PIKFYVE: variants seen among roughly 807,000 people sequenced by gnomAD.
The protein encoded by PIKFYVE is 1-phosphatidylinositol 3-phosphate 5-kinase.
In PIKFYVE, 122 loss-of-function variants were observed where a neutral mutation model predicts 257.9. The observed-to-expected ratio is 0.47, with a 90% CI of 0.41 to 0.55. PIKFYVE has a LOEUF of 0.55. Among genes scored for constraint, PIKFYVE ranks in the 20% least tolerant of loss-of-function variants. The probability of loss-of-function intolerance (pLI) is 0.00; values close to 1 mark genes in which losing one functional copy is unlikely to be tolerated. For missense variants in PIKFYVE, 2,160 were observed against 2,536.6 expected (o/e 0.85, Z 3.19); for synonymous variants, 892 against 868.9 (o/e 1.03, Z -0.47).
chr2:208,286,049 G>C (rs1320844184), intron 6 of PIKFYVE, 116 bp downstream of exon 6: 1 of 1,068,022 alleles, frequency 9.4e-7, no homozygotes, highest in African/African-American at 1.6e-5. Flanking sequence ...TCAGTTCACT[G>C]TGTTCTCCTT....
At chr2:208,319,418 A>T (rs898838181) in intron 16 of PIKFYVE, among the ~76,000 whole-genome samples, 1 of 152,222 alleles carries the variant, frequency 6.6e-6, no homozygotes, top group Non-Finnish European at 1.5e-5. Flanking sequence ...AAATTAAATG[A>T]TATTTGTTGA....
chr2:208,335,559 G>A (rs113654034), intron 25 of PIKFYVE, 140 bp downstream of exon 25: 2 of 826,700 alleles, frequency 2.4e-6, no homozygotes, highest in African/African-American at 1.7e-5. Flanking sequence ...AAAGAAAATT[G>A]TAGACGCTAT....
chr2:208,276,484 C>T (rs1417336035), intron 3 of PIKFYVE, among the ~76,000 whole-genome samples: 3 of 152,162 alleles, frequency 2.0e-5, no homozygotes, highest in Non-Finnish European at 4.4e-5. Context: ...CAATGCTTGT[C>T]TTAGGCAGCC....
intron 18 of PIKFYVE, among the ~76,000 whole-genome samples, chr2:208,324,567 A>G (rs1696695048): frequency 6.6e-6 from 1 of 152,146 alleles, no homozygotes; most frequent in African/African-American, 2.4e-5. Context: ...TTGTTGGAGA[A>G]TTGCTCAAGC....
chr2:208,325,165 G>C (rs1184250724), intron 19 of PIKFYVE, 105 bp from the exon 20 acceptor site: 5 of 1,565,628 alleles, frequency 3.2e-6, no homozygotes, highest in Non-Finnish European at 2.6e-6. Context: ...TCTTATTCAT[G>C]TAAGAGTTTT....
chr2:208,313,798 G>A (rs1392939777), intron 13 of PIKFYVE, among the ~76,000 whole-genome samples: 2 of 152,164 alleles, frequency 1.3e-5, no homozygotes, highest in Admixed American at 1.3e-4. Context: ...GGCCAGGCTG[G>A]TCTCGAACTC....
rs988398772 is a variant in PIKFYVE, at chr2:208,282,137, A to G, written c.614-3589A>G. On this transcript the variant is annotated intron_variant, in intron 5 of 41. Coordinates refer to ENST00000264380, the MANE Select transcript of PIKFYVE (RefSeq NM_015040.4). ...TTGGTCACTCAGAACTTTGCCTTTTATAAGTATTAATATTTGATTAGGAGT... is the reference window on the plus strand; with the variant it reads ...TTGGTCACTCAGAACTTTGCCTTTTGTAAGTATTAATATTTGATTAGGAGT... Among the ~76,000 whole-genome samples the G allele has an allele frequency of 3.3e-5, 5 of 152,210 alleles. No homozygotes were observed. The East Asian group carries it at 7.7e-4, about 23-fold the overall frequency.
intron 12 of PIKFYVE, chr2:208,305,451 GA>G: frequency 1.0e-6 from 1 of 981,588 alleles, no homozygotes; most frequent in Non-Finnish European, 1.2e-6. Context: ...TAGATTGGGG[GA>G]AAATCATTCA....
At chr2:208,306,519 A>G (rs16824831) in intron 12 of PIKFYVE, among the ~76,000 whole-genome samples, 4,413 of 152,296 alleles carry the variant, frequency 0.029, 201 homozygotes, top group African/African-American at 0.099. Context: ...TTGGAATGTT[A>G]AAGAAGTTTT....
At position 208,330,385 on chromosome 2, in the gene PIKFYVE, T is replaced by A. The variant is rs550608256; in HGVS notation, c.3792-138T>A. 9.1e-5 allele frequency: 88 copies of A among 967,752 alleles called. No homozygotes were observed. In the East Asian group the frequency reaches 2.1e-3, roughly 23 times the overall value. The allele number at this position is 967,752 out of a possible 1,614,324, so 59.9% of individuals were successfully genotyped here. ...ATGGAAACTATCACCGTGCTGTAGC[T>A]GAAGACGATGTTCAGCTGCAGGCTC... On this transcript the variant is annotated intron_variant, in intron 22 of 41. Coordinates refer to ENST00000264380, the MANE Select transcript of PIKFYVE (RefSeq NM_015040.4).
In PIKFYVE at chr2:208,335,996, G is replaced by C. The variant is rs1293393019; in HGVS notation, c.4366-50G>C. On this transcript the variant is annotated intron_variant, in intron 26 of 41. Transcript: ENST00000264380. ...AATTAATAATAGCAGTTTCTTTTGG[G>C]GTATGTCTGTATAGTGTCTGTCTCC... is the stretch of plus-strand genomic sequence containing the variant. 3 of 1,608,552 alleles carry C rather than the reference G, an allele frequency of 1.9e-6. 1 individual carries two copies. In the East Asian group the frequency reaches 6.7e-5, roughly 36 times the overall value.
intron 5 of PIKFYVE, among the ~76,000 whole-genome samples, chr2:208,279,324 A>G (rs555297152): frequency 1.3e-5 from 2 of 152,254 alleles, no homozygotes; most frequent in African/African-American, 4.8e-5. Context: ...CATAGTTTGC[A>G]AGTATTTTCT....
At position 208,330,826 on chromosome 2, in the gene PIKFYVE, A is replaced by G. The variant is rs918376424; in HGVS notation, c.3963+132A>G. Reference sequence around the variant, plus strand: ...TTATAGAGCTCTATTTGTCATTGTTATTTTACCTTCCAGTGCTGTATGTTC... The same window carrying G: ...TTATAGAGCTCTATTTGTCATTGTTGTTTTACCTTCCAGTGCTGTATGTTC... On this transcript the variant is annotated intron_variant, in intron 23 of 41. Coordinates refer to ENST00000264380, the MANE Select transcript of PIKFYVE (RefSeq NM_015040.4). 4 of 906,354 alleles carry G rather than the reference A, an allele frequency of 4.4e-6. No individual in the cohort carries two copies. The African/African-American group carries it at 7.1e-5, about 16-fold the overall frequency. 56.1% of individuals were successfully genotyped at this position (906,354 alleles called of 1,614,324 possible).
intron 5 of PIKFYVE, 36 bp downstream of exon 5, chr2:208,277,744 A>G (rs1453016937): frequency 6.2e-7 from 1 of 1,603,232 alleles, no homozygotes; most frequent in Non-Finnish European, 8.5e-7. Flanking sequence ...CAATTTTTAA[A>G]GGTCATAACT....
intron 2 of PIKFYVE, among the ~76,000 whole-genome samples, chr2:208,272,784 C>G (rs980692834): frequency 6.7e-6 from 1 of 149,396 alleles, no homozygotes; most frequent in African/African-American, 2.5e-5. Context: ...ATTTTTAAGA[C>G]AATGATACTT....
At chr2:208,309,828 T>C (rs751187623) in intron 12 of PIKFYVE, among the ~76,000 whole-genome samples, 5 of 152,192 alleles carry the variant, frequency 3.3e-5, no homozygotes, top group Non-Finnish European at 5.9e-5. Context: ...ACTTGGGGAC[T>C]TCTAAGTTTT....
chr2:208,340,171 T>G, intron 31 of PIKFYVE, 40 bp downstream of exon 31: 1 of 1,607,014 alleles, frequency 6.2e-7, no homozygotes, highest in Non-Finnish European at 8.5e-7. Flanking sequence ...GCAGGGGGGT[T>G]ATTTTTCCTT....
chr2:208,322,968 A>T (rs1422858025), intron 17 of PIKFYVE, among the ~76,000 whole-genome samples: 1 of 149,940 alleles, frequency 6.7e-6, no homozygotes, highest in Non-Finnish European at 1.5e-5. Context: ...TCCTTGTGAT[A>T]GTTTGCTGAG....
rs147263388 is a variant in PIKFYVE, at chr2:208,313,682, A to G, written c.1697-612A>G. Among the ~76,000 whole-genome samples the G allele has an allele frequency of 8.5e-3, 1,279 of 150,622 alleles. 24 individuals are homozygous for G. Among genetic ancestry groups the G allele is most frequent in the African/African-American group, 0.029 (1,201 of 40,808 alleles). ...ACTGCAATCTCTGCCTCCTAGGTTC[A>G]AGTGATTCTCCTGCCTCAGCCTCCC... On this transcript the variant is annotated intron_variant, in intron 13 of 41. Coordinates refer to ENST00000264380, the MANE Select transcript of PIKFYVE (RefSeq NM_015040.4).
Sources: gnomAD v4.1 joint callset for allele counts (sites outside exome capture counted in the v4.1 genomes callset) on GRCh38, gnomAD v4.1.1 for gene constraint, MANE v1.5 for transcripts, NCBI Gene and HGNC (gene_info 2026-07-23, HGNC 2026-07-21) for gene names.